SRRM1: variants seen among roughly 807,000 people sequenced by gnomAD.
SRRM1 encodes the protein serine/arginine repetitive matrix protein 1.
Under a neutral mutation model 110.2 loss-of-function variants are expected in SRRM1, and 19 were observed. The observed-to-expected ratio is 0.17, with a 90% confidence interval of 0.12 to 0.25. SRRM1 has a LOEUF of 0.25. Among genes scored for constraint, SRRM1 ranks in the 10% least tolerant of loss-of-function variants. SRRM1 has a pLI of 1.00. For synonymous variants in SRRM1, 443 were observed against 414.9 expected (o/e 1.07, Z -0.82); for missense variants, 918 against 1,145.8 (o/e 0.80, Z 2.87).
chr1:24,666,016 T>G (rs1177986155), intron 12 of SRRM1, among the ~76,000 whole-genome samples: 1 of 152,172 alleles, frequency 6.6e-6, no homozygotes, highest in East Asian at 1.9e-4. Context: ...ATTTCTGTAT[T>G]AGAGTCTCTA....
intron 12 of SRRM1, 183 bp downstream of exon 12, chr1:24,662,987 A>C: frequency 1.0e-6 from 1 of 998,124 alleles, no homozygotes; most frequent in Non-Finnish European, 1.4e-6. Flanking sequence ...TTAATAATTA[A>C]TTTAGAATTG....
chr1:24,663,549 G>A (rs1372291470), intron 12 of SRRM1, among the ~76,000 whole-genome samples: 2 of 152,022 alleles, frequency 1.3e-5, no homozygotes, highest in Non-Finnish European at 2.9e-5. Flanking sequence ...TCCAGAGATA[G>A]GATTATTGCT....
At chr1:24,646,633 G>A in intron 2 of SRRM1, 34 bp from the exon 3 acceptor site, 1 of 1,531,528 alleles carries the variant, frequency 6.5e-7, no homozygotes, top group Non-Finnish European at 8.7e-7. Flanking sequence ...TTAGGATTGT[G>A]AAGTTGTACT....
At chr1:24,646,917 T>A in intron 3 of SRRM1, 128 bp downstream of exon 3, 1 of 769,824 alleles carries the variant, frequency 1.3e-6, no homozygotes, top group South Asian at 2.6e-5. Flanking sequence ...TGAAAAGAAT[T>A]CACTTTGTAA....
chr1:24,660,840 TTTTGTTTTTCTTA>T, intron 10 of SRRM1, 41 bp downstream of exon 10: 2 of 1,447,966 alleles, frequency 1.4e-6, no homozygotes, highest in Non-Finnish European at 1.9e-6. Context: ...GTTTGTTTGT[TTTTGTTTTTCTTA>T]AAGCTGATTT....
rs1300876463 is a variant in SRRM1 at position 24,662,684 on chromosome 1, A to C, written c.1508A>C (p.Glu503Ala). ...GACTCTGGCTCCTCCTCCTCCTCAG[A>C]AGATGAACGACCCAAGAGATCCCAT... ...SSDSGSSSSS[E>A]DERPKRSHVK... Residue 503 changes from glutamate to alanine, a missense_variant, in exon 12 of 17, where the codon GAA becomes GCA. Glu to Ala is a moderately radical substitution (Grantham distance 107). Around this residue, in one of 5 missense-constraint regions of SRRM1, gnomAD observed 357 missense variants for 402.9 expected, o/e 0.89. Coordinates refer to ENST00000323848, the MANE Select transcript of SRRM1 (RefSeq NM_005839.4). 14 of 1,613,962 alleles carry C rather than the reference A, an allele frequency of 8.7e-6. No homozygotes were observed. Among genetic ancestry groups the C allele is most frequent in the Admixed American group, 6.7e-5 (4 of 59,980 alleles).
Position 24,671,435 on chromosome 1 carries a change from A to G in SRRM1, c.2450A>G (p.Lys817Arg). 2 of 1,613,636 alleles carry G rather than the reference A, an allele frequency of 1.2e-6. No individual in the cohort carries two copies. Among genetic ancestry groups the G allele is most frequent in the East Asian group, 2.2e-5 (1 of 44,880 alleles). ...GGKKKKKKKD[K>R]KHKKDKKHKK... ...AAGAAAAAGAAGAAAAAGAAGGACA[A>G]GAAACACAAAAAGGATAAGAAGCAC... Residue 817 changes from lysine (K) to arginine (R), a missense_variant, in exon 16 of 17, where the codon AAG (lysine) becomes AGG (arginine). By Grantham distance (26) the Lys-to-Arg change is conservative (BLOSUM62 2). Coordinates refer to ENST00000323848, the MANE Select transcript of SRRM1 (RefSeq NM_005839.4).
chr1:24,655,831 C>T (rs1201739516), intron 9 of SRRM1, among the ~76,000 whole-genome samples: 3 of 152,102 alleles, frequency 2.0e-5, no homozygotes, highest in African/African-American at 7.2e-5. Flanking sequence ...TGATATACAG[C>T]CTAAAAGGTG....
intron 12 of SRRM1, among the ~76,000 whole-genome samples, chr1:24,663,701 A>T (rs907853267): frequency 6.6e-6 from 1 of 151,668 alleles, no homozygotes; most frequent in Non-Finnish European, 1.5e-5. Context: ...ACATGGTGAA[A>T]CCCCATTTCT....
At chr1:24,660,685 A>G (rs1296299942) in intron 9 of SRRM1, 34 bp from the exon 10 acceptor site, 1 of 1,224,170 alleles carries the variant, frequency 8.2e-7, no homozygotes, top group African/African-American at 1.5e-5. Context: ...CTTTTTTTGT[A>G]CGTAAGCTTT....
intron 7 of SRRM1, 134 bp downstream of exon 7, chr1:24,652,762 G>T (rs1661727488): frequency 1.5e-6 from 2 of 1,301,974 alleles, no homozygotes; most frequent in African/African-American, 3.0e-5. Flanking sequence ...CAGAGAATTT[G>T]AGGACACTTT....
At chr1:24,654,207 CT>C in intron 8 of SRRM1, 2 of 932,930 alleles carry the variant, frequency 2.1e-6, no homozygotes, top group Non-Finnish European at 3.0e-6. Flanking sequence ...TTAAATTGTG[CT>C]TACTCAGCCA....
At position 24,654,876 on chromosome 1, in the gene SRRM1, C is replaced by T. The variant is rs1663112181; in HGVS notation, c.1062C>T (p.Ser354=). 3 of 1,614,066 alleles carry T rather than the reference C, an allele frequency of 1.9e-6. No homozygotes were observed. The highest frequency in any genetic ancestry group is 2.5e-6 in the Non-Finnish European group (3 of 1,180,028). Residue 354 remains serine (S), a synonymous_variant, in exon 9 of 17, where the codon TCC becomes TCT. Coordinates refer to ENST00000323848, the MANE Select transcript of SRRM1 (RefSeq NM_005839.4). ...PVRRRRRSSA[S]LSGSSSSSSS... ...ACAGAAGAAGACGTTCGTCAGCATC[C>T]TTGTCTGGGAGTAGCTCATCATCCT...
chr1:24,646,456 G>A (rs1657662072), intron 2 of SRRM1, among the ~76,000 whole-genome samples: 1 of 151,886 alleles, frequency 6.6e-6, no homozygotes, highest in African/African-American at 2.4e-5. Context: ...GAACCTGGGA[G>A]GCGGAGCTTG....
chr1:24,649,342 A>G (rs1659231642), intron 4 of SRRM1, among the ~76,000 whole-genome samples: 1 of 152,200 alleles, frequency 6.6e-6, no homozygotes, highest in Non-Finnish European at 1.5e-5. Flanking sequence ...TTTTTGAGAC[A>G]CAGTTTCAGT....
Position 24,662,669 on chromosome 1 carries a change from C to G in SRRM1, c.1493C>G (p.Ser498Cys). The G allele has an allele frequency of 6.2e-7, 1 of 1,608,130 alleles. No individual in the cohort carries two copies. The change falls in exon 12 of 17, where the codon TCC (serine) becomes TGC (cysteine). Residue 498 changes from serine (S) to cysteine (C), a missense_variant. Ser to Cys is a moderately radical substitution (Grantham distance 112, BLOSUM62 -1). This residue lies in a region of SRRM1 where 357 missense variants were observed against 402.9 expected (regional missense o/e 0.89). Transcript: ENST00000323848. ...AATTTTGTAATTATAGACTCTGGCT[C>G]CTCCTCCTCCTCAGAAGATGAACGA... Reference protein sequence around the residue: ...QNQQSSSDSGSSSSSEDERPK... With the variant: ...QNQQSSSDSGCSSSSEDERPK...
chr1:24,655,091 G>C lies in SRRM1; in HGVS notation c.1277G>C (p.Ser426Thr). The change falls in exon 9 of 17, where the codon AGT becomes ACT. Residue 426 changes from serine to threonine, a missense_variant. Physicochemically the swap from Ser to Thr is moderately conservative, Grantham distance 58. Around this residue, in one of 5 missense-constraint regions of SRRM1, gnomAD observed 456 missense variants for 453.5 expected, o/e 1.01. Coordinates refer to ENST00000323848, the MANE Select transcript of SRRM1 (RefSeq NM_005839.4). Reference protein sequence around the residue: ...TPQQSNRTRKSRVSVSPGRTS... With the variant: ...TPQQSNRTRKTRVSVSPGRTS... ...CAGCAGTCAAACCGTACAAGAAAAA[G>C]TCGTGTTTCTGTGTCTCCAGGGAGA... 1.2e-6 allele frequency: 2 copies of C among 1,614,108 alleles called. No homozygotes were observed. The highest frequency in any genetic ancestry group is 1.7e-6 in the Non-Finnish European group (2 of 1,180,030).
intron 1 of SRRM1, among the ~76,000 whole-genome samples, chr1:24,644,543 C>A (rs1164447128): frequency 1.3e-5 from 2 of 152,182 alleles, no homozygotes; most frequent in Admixed American, 1.3e-4. Flanking sequence ...ACATTGAAAT[C>A]CTTCTTTAAT....
intron 3 of SRRM1, 179 bp from the exon 4 acceptor site, chr1:24,648,680 T>A (rs570829196): frequency 1.9e-6 from 1 of 539,692 alleles, no homozygotes; most frequent in Non-Finnish European, 3.2e-6. Flanking sequence ...CTGTTAGAGA[T>A]TATATTGCTG....
Sources: gnomAD v4.1 joint callset for allele counts (sites outside exome capture counted in the v4.1 genomes callset) on GRCh38, gnomAD v4.1.1 for gene constraint, gnomAD v4.1.1 regional missense constraint, MANE v1.5 for transcripts, NCBI Gene and HGNC (gene_info 2026-07-23, HGNC 2026-07-21) for gene names.